Variants in NALF1 observed in about 807,000 individuals in gnomAD.
NALF1 encodes the protein family with sequence similarity 155 member A.
Under a neutral mutation model 48.4 loss-of-function variants are expected in NALF1, and 3 were observed. The observed-to-expected ratio is 0.06, with a 90% CI of 0.03 to 0.16. NALF1 has a LOEUF of 0.16. Among genes scored for constraint, NALF1 ranks in the 10% least tolerant of loss-of-function variants. The pLI, the probability that NALF1 is intolerant of heterozygous loss-of-function variation, is 1.00. For missense variants in NALF1, 526 were observed against 571.5 expected, an observed-to-expected ratio of 0.92 and a Z score of 0.81; for synonymous variants, 262 against 245.7, an observed-to-expected ratio of 1.07 and a Z score of -0.62.
At chr13:107,598,655 A>G (rs1177026148) in intron 1 of NALF1, among the ~76,000 whole-genome samples, 1 of 152,198 alleles carries the variant, frequency 6.6e-6, no homozygotes, top group African/African-American at 2.4e-5. Flanking sequence ...ATTGCAATCT[A>G]TAATCCTCTG....
At chr13:107,594,622 C>T (rs756216659) in intron 1 of NALF1, among the ~76,000 whole-genome samples, 5 of 151,878 alleles carry the variant, frequency 3.3e-5, no homozygotes, top group African/African-American at 9.7e-5. Flanking sequence ...AAACAGGAAA[C>T]GATAAAAATA....
At chr13:107,666,215 T>C (rs1454330640) in intron 1 of NALF1, among the ~76,000 whole-genome samples, 1 of 152,132 alleles carries the variant, frequency 6.6e-6, no homozygotes, top group Non-Finnish European at 1.5e-5. Context: ...CCGGATGTTA[T>C]TGTTCATTGA....
intron 1 of NALF1, among the ~76,000 whole-genome samples, chr13:107,340,927 A>C (rs566086657): frequency 2.0e-5 from 3 of 152,306 alleles, no homozygotes; most frequent in Non-Finnish European, 2.9e-5. Flanking sequence ...GAAGAAATTT[A>C]GGTGAGAAGT....
chr13:107,644,901 T>C (rs1013742083), intron 1 of NALF1, among the ~76,000 whole-genome samples: 4 of 151,982 alleles, frequency 2.6e-5, no homozygotes, highest in Non-Finnish European at 2.9e-5. Flanking sequence ...TTTGGCTGTC[T>C]TTTGATCTTT....
chr13:107,536,306 G>A (rs1876808629), intron 1 of NALF1, among the ~76,000 whole-genome samples: 2 of 151,976 alleles, frequency 1.3e-5, no homozygotes, highest in Non-Finnish European at 2.9e-5. Context: ...CAAAATGGGA[G>A]AAAAATTTTC....
At chr13:107,431,846 A>G (rs1884387169) in intron 1 of NALF1, among the ~76,000 whole-genome samples, 1 of 152,140 alleles carries the variant, frequency 6.6e-6, no homozygotes. Flanking sequence ...TCTAAAGTGC[A>G]TCTAGAATGG....
intron 1 of NALF1, among the ~76,000 whole-genome samples, chr13:107,315,220 TTTG>T (rs1253356619): frequency 1.5e-4 from 23 of 152,094 alleles, no homozygotes; most frequent in African/African-American, 5.5e-4. Flanking sequence ...TAATACATTC[TTTG>T]TTTTCTTATA....
At chr13:107,345,112 C>T (rs1386246432) in intron 1 of NALF1, among the ~76,000 whole-genome samples, 1 of 151,940 alleles carries the variant, frequency 6.6e-6, no homozygotes, top group Non-Finnish European at 1.5e-5. Flanking sequence ...TACACACACA[C>T]AAGACTTGTA....
At chr13:107,383,091 A>G (rs2138975746) in intron 1 of NALF1, among the ~76,000 whole-genome samples, 1 of 152,286 alleles carries the variant, frequency 6.6e-6, no homozygotes, top group African/African-American at 2.4e-5. Flanking sequence ...AGTTGGGTAC[A>G]GTTTGAATAT....
intron 1 of NALF1, among the ~76,000 whole-genome samples, chr13:107,682,141 G>A (rs941864127): frequency 5.9e-5 from 9 of 152,268 alleles, no homozygotes; most frequent in South Asian, 4.1e-4. Context: ...CTCCTAGGTC[G>A]TGCAAACTTC....
rs141437307 is a variant in NALF1, at chr13:107,778,116, C to T, written c.915+87566G>A. On this transcript the variant is annotated intron_variant, in intron 1 of 2. Coordinates refer to ENST00000375915, the MANE Select transcript of NALF1 (RefSeq NM_001080396.3). ...AGGGAGACCTGGGTAAATGAAATAA[C>T]GTGTGAAAACACCCAGGACTTCTGG... Among the ~76,000 whole-genome samples the T allele has an allele frequency of 1.6e-3, 244 of 152,294 alleles. 2 individuals carry two copies. Among genetic ancestry groups the T allele is most frequent in the African/African-American group, 5.5e-3 (230 of 41,576 alleles).
chr13:107,332,403 A>G (rs922640078), intron 1 of NALF1, among the ~76,000 whole-genome samples: 2 of 152,194 alleles, frequency 1.3e-5, no homozygotes, highest in African/African-American at 4.8e-5. Context: ...GAAAAATACA[A>G]CTAGAGGGTG....
intron 1 of NALF1, among the ~76,000 whole-genome samples, chr13:107,598,103 G>C (rs551460496): frequency 6.6e-6 from 1 of 152,094 alleles, no homozygotes; most frequent in Non-Finnish European, 1.5e-5. Flanking sequence ...TAAAACCTAG[G>C]TTAGTATTTT....
intron 1 of NALF1, among the ~76,000 whole-genome samples, chr13:107,455,785 T>C (rs4600331): frequency 0.22 from 34,065 of 152,110 alleles, 4,790 homozygotes; most frequent in African/African-American, 0.4. Context: ...TGGAATGATA[T>C]GTAGCCTTCA....
At chr13:107,752,802 C>T (rs758974952) in intron 1 of NALF1, among the ~76,000 whole-genome samples, 9 of 152,124 alleles carry the variant, frequency 5.9e-5, no homozygotes, top group Non-Finnish European at 1.2e-4. Context: ...TATAATTGGA[C>T]ATTAGATAAT....
At chr13:107,485,066 T>C (rs1409907994) in intron 1 of NALF1, among the ~76,000 whole-genome samples, 3 of 152,078 alleles carry the variant, frequency 2.0e-5, no homozygotes, top group African/African-American at 7.2e-5. Flanking sequence ...CACATAAGGA[T>C]TGAAAAGACC....
At chr13:107,782,027 CCCTCTCCCTCTCCCT>C (rs1299168094) in intron 1 of NALF1, among the ~76,000 whole-genome samples, 3 of 152,020 alleles carry the variant, frequency 2.0e-5, no homozygotes, top group Non-Finnish European at 2.9e-5. Context: ...AATCTTCTCT[CCCTCTCCCTCTCCCT>C]CCTCTCCCTC....
chr13:107,675,709 C>T (rs1043846858), intron 1 of NALF1, among the ~76,000 whole-genome samples: 4 of 152,118 alleles, frequency 2.6e-5, no homozygotes, highest in Non-Finnish European at 5.9e-5. Flanking sequence ...GGTTCTATCA[C>T]CAACGTTTTA....
chr13:107,829,765 T>C (rs1047979177), intron 1 of NALF1, among the ~76,000 whole-genome samples: 1 of 152,204 alleles, frequency 6.6e-6, no homozygotes, highest in African/African-American at 2.4e-5. Flanking sequence ...ATCAGTGAAG[T>C]TGGCATTTCT....
Sources: gnomAD v4.1 joint callset for allele counts (sites outside exome capture counted in the v4.1 genomes callset) on GRCh38, gnomAD v4.1.1 for gene constraint, MANE v1.5 for transcripts, NCBI Gene and HGNC (gene_info 2026-07-23, HGNC 2026-07-21) for gene names.